The following ASCC3 variants were observed in gnomAD, a reference collection of about 807,000 sequenced individuals.
ASCC3 encodes ASC-1 complex subunit P200.
ASCC3 carries 158 observed loss-of-function variants against 256.3 expected under a neutral mutation model. That is an observed-to-expected ratio of 0.62 (90% CI 0.54 to 0.70). The LOEUF is 0.70. ASCC3 is among the 30% of genes least tolerant of loss of function. ASCC3 has a pLI of 0.00. For missense variants in ASCC3, 2,259 were observed against 2,626.0 expected (o/e 0.86, Z 3.05); for synonymous variants, 948 against 883.4 (o/e 1.07, Z -1.30).
intron 16 of ASCC3, among the ~76,000 whole-genome samples, chr6:100,657,743 T>G (rs1395063199): frequency 6.6e-6 from 1 of 151,356 alleles, no homozygotes; most frequent in Non-Finnish European, 1.5e-5. Flanking sequence ...AAAAAGTAGG[T>G]AGCAAAGATT....
intron 36 of ASCC3, among the ~76,000 whole-genome samples, chr6:100,583,090 T>C (rs1049684467): frequency 2.6e-5 from 4 of 152,256 alleles, no homozygotes; most frequent in Non-Finnish European, 5.9e-5. Context: ...ATCAGGATGA[T>C]GCTGCCTCAG....
chr6:100,842,473 G>A (rs1486512476), intron 4 of ASCC3, among the ~76,000 whole-genome samples: 3 of 152,084 alleles, frequency 2.0e-5, no homozygotes, highest in African/African-American at 7.2e-5. Flanking sequence ...GCTACATAAT[G>A]TAATGTGTGA....
chr6:100,811,027 G>A (rs1770439037), intron 4 of ASCC3, among the ~76,000 whole-genome samples: 2 of 152,092 alleles, frequency 1.3e-5, no homozygotes, highest in African/African-American at 4.8e-5. Flanking sequence ...GGTGGCAAGA[G>A]GAGGATTTTT....
intron 4 of ASCC3, among the ~76,000 whole-genome samples, chr6:100,829,950 A>G (rs1343681659): frequency 6.6e-6 from 1 of 152,110 alleles, no homozygotes; most frequent in African/African-American, 2.4e-5. Context: ...CTGATAACCA[A>G]GAAGAAATCA....
intron 34 of ASCC3, among the ~76,000 whole-genome samples, chr6:100,595,358 C>G (rs1759016329): frequency 6.6e-6 from 1 of 152,014 alleles, no homozygotes; most frequent in South Asian, 2.1e-4. Flanking sequence ...TATGTTCACA[C>G]AAAATCTCAC....
chr6:100,530,556 G>A (rs1774817244), intron 37 of ASCC3: 6 of 784,190 alleles, frequency 7.7e-6, no homozygotes, highest in South Asian at 4.0e-5. Context: ...TGATGGCCTG[G>A]CACTCAATCC....
chr6:100,675,133 T>TC (rs887694564), intron 14 of ASCC3, among the ~76,000 whole-genome samples: 2 of 151,642 alleles, frequency 1.3e-5, no homozygotes, highest in African/African-American at 2.4e-5. Context: ...AACAGTTGTT[T>TC]TTTTTTTTTT....
intron 30 of ASCC3, among the ~76,000 whole-genome samples, chr6:100,612,642 T>C (rs1273784550): frequency 1.3e-5 from 2 of 152,078 alleles, no homozygotes; most frequent in African/African-American, 4.8e-5. Flanking sequence ...TTCCTTATAA[T>C]CACCAAATGT....
chr6:100,738,042 A>T (rs1323273495), intron 10 of ASCC3, among the ~76,000 whole-genome samples: 5 of 152,126 alleles, frequency 3.3e-5, no homozygotes, highest in Non-Finnish European at 7.4e-5. Context: ...GTGTCTGTTC[A>T]TGTCCTTTGC....
intron 4 of ASCC3, among the ~76,000 whole-genome samples, chr6:100,836,957 A>G (rs1352705262): frequency 6.6e-6 from 1 of 152,036 alleles, no homozygotes; most frequent in East Asian, 1.9e-4. Context: ...TCATGATTCA[A>G]TTTTGGTAGG....
At chr6:100,724,611 G>A (rs750582021) in intron 11 of ASCC3, among the ~76,000 whole-genome samples, 14 of 151,936 alleles carry the variant, frequency 9.2e-5, no homozygotes, top group Non-Finnish European at 1.9e-4. Flanking sequence ...TCTGAGAAAC[G>A]AGTAAGGGGT....
chr6:100,716,415 T>C (rs1779089293), intron 12 of ASCC3, among the ~76,000 whole-genome samples: 1 of 151,838 alleles, frequency 6.6e-6, no homozygotes, highest in African/African-American at 2.4e-5. Context: ...ATCTCTCCAC[T>C]TAACATGTAT....
chr6:100,509,972 C>T lies in ASCC3; in HGVS notation c.6421G>A (p.Val2141Ile), dbSNP rs544376868. 1.9e-5 allele frequency: 30 copies of T among 1,613,796 alleles called. No individual in the cohort carries two copies. In the East Asian group the frequency reaches 2.5e-4, roughly 13 times the overall value. ...GGGGTATAAAAAGAAAGGGAAGCAA[C>T]ATGATGATTTCGAATATATCCTACT... is the stretch of plus-strand genomic sequence containing the variant. ...KRVGYIRNHHVASLSFYTPEI... is the reference protein window; with the variant it reads ...KRVGYIRNHHIASLSFYTPEI... Residue 2141 changes from valine (V) to isoleucine (I), a missense_variant, in exon 41 of 42, where the codon GTT (valine) becomes ATT (isoleucine). Physicochemically the swap from Val to Ile is conservative, Grantham distance 29. Coordinates refer to ENST00000369162, the MANE Select transcript of ASCC3 (RefSeq NM_006828.4).
At chr6:100,685,120 T>C (rs1582693904) in intron 13 of ASCC3, among the ~76,000 whole-genome samples, 1 of 152,194 alleles carries the variant, frequency 6.6e-6, no homozygotes, top group East Asian at 1.9e-4. Flanking sequence ...TCAAACCCTC[T>C]TTTCTAGGAA....
chr6:100,509,524 G>T lies in ASCC3; in HGVS notation c.6471C>A (p.Tyr2157Ter). Residue 2157 changes from tyrosine (Y) to a stop codon, truncating the protein, a stop_gained, in exon 42 of 42, where the codon TAC becomes TAA. Coordinates refer to ENST00000369162, the MANE Select transcript of ASCC3 (RefSeq NM_006828.4). LOFTEE classifies it high-confidence loss of function. ...YTPEIPGRYI[Y>*]TLYFMSDCYL... ...AGCAGTCACTCATGAAATATAATGT[G>T]TAGATATACCTAAAATATAAAAATA... 6.2e-7 allele frequency: 1 copy of T among 1,611,786 alleles called. No homozygotes were observed. Among genetic ancestry groups the T allele is most frequent in the East Asian group, 2.2e-5 (1 of 44,868 alleles).
At chr6:100,582,781 G>T (rs1429226582) in intron 36 of ASCC3, among the ~76,000 whole-genome samples, 1 of 152,122 alleles carries the variant, frequency 6.6e-6, no homozygotes, top group Non-Finnish European at 1.5e-5. Flanking sequence ...AATTTATTGA[G>T]AGTTTTTAGC....
intron 2 of ASCC3, among the ~76,000 whole-genome samples, chr6:100,865,392 T>C (rs569713280): frequency 2.4e-4 from 36 of 152,322 alleles, no homozygotes; most frequent in Non-Finnish European, 4.4e-4. Context: ...AATCTTCTGT[T>C]ATATCTCTAA....
In ASCC3 at chr6:100,597,809, G is replaced by GAAAAAAA. The variant is rs369974362; in HGVS notation, c.5303+3994_5303+4000dup. On this transcript the variant is annotated intron_variant, in intron 34 of 41. Transcript: ENST00000369162. The stretch of plus-strand genomic sequence containing the variant: ...TACACAGTGAAACCCCGTCTCTACT[G>GAAAAAAA]AAAAAAAAAAAAAAATTAGCCGAGC... Among the ~76,000 whole-genome samples, 106 of 88,594 alleles carry GAAAAAAA rather than the reference G, an allele frequency of 1.2e-3. 4 individuals are homozygous for GAAAAAAA. Among genetic ancestry groups the GAAAAAAA allele is most frequent in the African/African-American group, 3.7e-3 (81 of 21,658 alleles). The allele number at this position is 88,594 out of a possible 152,430, so 58.1% of individuals were successfully genotyped here. A position where few individuals can be genotyped will look rare whatever the true frequency, so the allele number is the denominator to read the frequency against.
chr6:100,821,826 C>CA (rs1394762361), intron 4 of ASCC3, among the ~76,000 whole-genome samples: 2 of 148,274 alleles, frequency 1.3e-5, no homozygotes, highest in East Asian at 2.0e-4. Context: ...TCCGACTCAC[C>CA]AAAAAAAATA....
Sources: allele counts gnomAD v4.1 joint callset (sites outside exome capture counted in the v4.1 genomes callset), GRCh38; gene constraint gnomAD v4.1.1; transcripts MANE v1.5; gene names NCBI Gene and HGNC (gene_info 2026-07-23, HGNC 2026-07-21).